Variants in RYR1 observed in about 807,000 individuals in gnomAD.
RYR1 encodes ryanodine receptor 1, also known as central core disease of muscle.
In RYR1, 342 loss-of-function variants were observed where a neutral mutation model predicts 583.5. The ratio of observed to expected loss-of-function variants is 0.59; its 90% CI spans 0.54 to 0.64. RYR1 has a LOEUF of 0.64. Among genes scored for constraint, RYR1 ranks in the 30% least tolerant of loss-of-function variants. RYR1 has a pLI of 0.00. For synonymous variants in RYR1, 2,791 were observed against 2,822.5 expected (o/e 0.99, Z 0.35); for missense variants, 6,032 against 6,917.2 (o/e 0.87, Z 4.54).
At chr19:38,439,231 G>A (rs955307752) in intron 1 of RYR1, among the ~76,000 whole-genome samples, 1 of 151,690 alleles carries the variant, frequency 6.6e-6, no homozygotes, top group Non-Finnish European at 1.5e-5. Flanking sequence ...TCCCCAGGCT[G>A]GAGTTTCACT....
Position 38,475,446 on chromosome 19 carries a change from C to T in RYR1, c.4289C>T (p.Thr1430Ile). 4 of 1,613,696 alleles carry T rather than the reference C, an allele frequency of 2.5e-6. No homozygotes were observed. The highest frequency in any genetic ancestry group is 1.1e-5 in the South Asian group (1 of 91,080). ...GACCCCGAGATCATCCTCAACACCA[C>T]CACGGTGTGGACCAGTAACCCTCAA... ...RDDPEIILNT[T>I]TYYYSVRVFA... Residue 1430 changes from threonine to isoleucine, a missense_variant, in exon 29 of 106, where the codon ACC becomes ATC. By Grantham distance (89) the Thr-to-Ile change is moderately conservative. Transcript: ENST00000359596.
rs186460831 is a variant in RYR1 at position 38,528,715 on chromosome 19, G to A, written c.11034+20G>A. 1 of 1,612,350 alleles carries A rather than the reference G, an allele frequency of 6.2e-7. No homozygotes were observed. Among genetic ancestry groups the A allele is most frequent in the African/African-American group, 1.3e-5 (1 of 74,892 alleles). On this transcript the variant is annotated intron_variant, in intron 75 of 105. Coordinates refer to ENST00000359596, the MANE Select transcript of RYR1 (RefSeq NM_000540.3). The stretch of plus-strand genomic sequence containing the variant: ...CTTTCAGTGAGCTGGGACCCGCCTG[G>A]GGGAGTGGGGGGCGAGCTGGATAGG...
intron 64 of RYR1, 39 bp from the exon 65 acceptor site, chr19:38,516,048 G>T: frequency 1.3e-6 from 2 of 1,539,610 alleles, no homozygotes; most frequent in South Asian, 2.4e-5. Flanking sequence ...ACCCCAAAGA[G>T]GGGGACACGT....
In RYR1 at chr19:38,494,663, C is replaced by T. The variant is rs781622170; in HGVS notation, c.6548+38C>T. 133 of 1,612,234 alleles carry T rather than the reference C, an allele frequency of 8.2e-5. 2 individuals are homozygous for T. In the South Asian group the frequency reaches 1.3e-3, roughly 16 times the overall value. On this transcript the variant is annotated intron_variant, in intron 39 of 105. Transcript: ENST00000359596. Reference sequence around the variant, plus strand: ...CCTTCCCCCTTACTTTGCATATCCCCTTGGGTAATGAATACCCTCAGGATA... The same window carrying T: ...CCTTCCCCCTTACTTTGCATATCCCTTTGGGTAATGAATACCCTCAGGATA...
In RYR1 at chr19:38,564,455, A is replaced by T. The variant is rs562678087; in HGVS notation, c.12625-504A>T. Among the ~76,000 whole-genome samples the T allele has an allele frequency of 1.6e-3, 242 of 152,046 alleles. 2 individuals carry two copies. Among genetic ancestry groups the T allele is most frequent in the African/African-American group, 5.6e-3 (233 of 41,456 alleles). On this transcript the variant is annotated intron_variant, in intron 90 of 105. Coordinates refer to ENST00000359596, the MANE Select transcript of RYR1 (RefSeq NM_000540.3). ...CATGGGGATCATGTGAACCCTGGGG[A>T]CGAAGGTTACAGTGAGACAGCGTCA...
chr19:38,586,195 A>G lies in RYR1; in HGVS notation c.14969+4A>G. On this transcript the variant is annotated splice_donor_region_variant and intron_variant, in intron 104 of 105. Transcript: ENST00000359596. ...AGCACAACCTGGCCAATTACATGTG[A>G]GCAGACACACTGGCCAGTCAGGAGG... 1 of 1,613,166 alleles carries G rather than the reference A, an allele frequency of 6.2e-7. No homozygotes were observed. The highest frequency in any genetic ancestry group is 8.5e-7 in the Non-Finnish European group (1 of 1,179,660).
At chr19:38,505,982 ATGGG>A in intron 54 of RYR1, 36 bp downstream of exon 54, 1 of 1,548,572 alleles carries the variant, frequency 6.5e-7, no homozygotes, top group South Asian at 1.1e-5. Flanking sequence ...CAGGGGCACG[ATGGG>A]GGGAGGGTCT....
intron 90 of RYR1, among the ~76,000 whole-genome samples, chr19:38,562,676 A>G (rs1973202787): frequency 6.6e-6 from 1 of 151,744 alleles, no homozygotes; most frequent in Non-Finnish European, 1.5e-5. Context: ...TGCCTGCCTC[A>G]CGCACACTGC....
At chr19:38,585,616 G>A (rs962546900) in intron 102 of RYR1, among the ~76,000 whole-genome samples, 5 of 151,540 alleles carry the variant, frequency 3.3e-5, no homozygotes, top group Non-Finnish European at 7.4e-5. Context: ...TGGGACTACA[G>A]GCACATGCTA....
intron 11 of RYR1, among the ~76,000 whole-genome samples, chr19:38,450,763 A>G (rs937422140): frequency 5.3e-4 from 1 of 1,882 alleles, no homozygotes; most frequent in Non-Finnish European, 8.8e-4. Flanking sequence ...TTTTCTGTAC[A>G]ACGTGGAAAC....
At chr19:38,555,134 G>A (rs899308095) in intron 89 of RYR1, among the ~76,000 whole-genome samples, 14 of 151,836 alleles carry the variant, frequency 9.2e-5, no homozygotes, top group African/African-American at 3.4e-4. Context: ...TCTGAACACT[G>A]CATATAAATG....
rs201333985 is a variant in RYR1 at position 38,579,939 on chromosome 19, T to C, written c.14365-43T>C. ...CCTACCCTCCAGAGTGCTCCTCGTG[T>C]GTCCCTGCCTTCCCCCTGACCCCTG... On this transcript the variant is annotated intron_variant, in intron 99 of 105. Coordinates refer to ENST00000359596, the MANE Select transcript of RYR1 (RefSeq NM_000540.3). 31 of 1,613,716 alleles carry C rather than the reference T, an allele frequency of 1.9e-5. No homozygotes were observed. In the East Asian group the frequency reaches 6.9e-4, roughly 36 times the overall value.
Position 38,527,691 on chromosome 19 carries a change from G to C in RYR1, c.10731G>C (p.Arg3577=), listed in dbSNP as rs2145719961. 1.2e-6 allele frequency: 2 copies of C among 1,614,122 alleles called. No individual in the cohort carries two copies. The highest frequency in any genetic ancestry group is 1.7e-6 in the Non-Finnish European group (2 of 1,180,018). ...PSLRWQMALY[R]GVPGREEDAD... The stretch of plus-strand genomic sequence containing the variant: ...TGCGCTGGCAGATGGCTCTGTACCG[G>C]GGCGTCCCGGGTCGCGAGGAGGACG... Residue 3577 remains arginine, a synonymous_variant, in exon 73 of 106, where the codon CGG becomes CGC. Coordinates refer to ENST00000359596, the MANE Select transcript of RYR1 (RefSeq NM_000540.3).
At chr19:38,523,436 C>A in intron 69 of RYR1, 127 bp downstream of exon 69, 1 of 993,198 alleles carries the variant, frequency 1.0e-6, no homozygotes, top group South Asian at 1.3e-5. Context: ...CTCAGAGCAG[C>A]CCCTCTTACC....
Position 38,500,796 on chromosome 19 carries a change from C to T in RYR1, c.7445-25C>T. 1 of 1,613,790 alleles carries T rather than the reference C, an allele frequency of 6.2e-7. No homozygotes were observed. Among genetic ancestry groups the T allele is most frequent in the Non-Finnish European group, 8.5e-7 (1 of 1,179,840 alleles). ...GAGCGGCTGGGTCCGCAGGGCATCC[C>T]CGAACCCACCCTCCCTGCCTGCAGA... On this transcript the variant is annotated intron_variant, in intron 46 of 105. Coordinates refer to ENST00000359596, the MANE Select transcript of RYR1 (RefSeq NM_000540.3). This position sits in a 1 kb window ranked among gnomAD's most constrained non-coding sequence, Gnocchi z 5.9.
At position 38,492,609 on chromosome 19, in the gene RYR1, G is replaced by C. The variant is rs1472353338; in HGVS notation, c.6247G>C (p.Glu2083Gln). The change falls in exon 38 of 106, where the codon GAG (glutamate) becomes CAG (glutamine). Residue 2083 changes from glutamate to glutamine, a missense_variant. Physicochemically the swap from Glu to Gln is conservative, Grantham distance 29 (BLOSUM62 2). Coordinates refer to ENST00000359596, the MANE Select transcript of RYR1 (RefSeq NM_000540.3). Reference sequence around the variant, plus strand: ...GAAGAAGGAAGAGAAACCTGAGGAGGAGCGGTCAGCAGAGGAGAGCAAACC... The same window carrying C: ...GAAGAAGGAAGAGAAACCTGAGGAGCAGCGGTCAGCAGAGGAGAGCAAACC... ...VKKKEEKPEE[E>Q]RSAEESKPRS... is the part of the protein sequence containing the mutation. The C allele has an allele frequency of 1.2e-6, 2 of 1,610,814 alleles. No homozygotes were observed. The highest frequency in any genetic ancestry group is 1.1e-5 in the South Asian group (1 of 90,990).
At chr19:38,433,979 C>T in intron 1 of RYR1, 105 bp downstream of exon 1, 1 of 943,932 alleles carries the variant, frequency 1.1e-6, no homozygotes, top group South Asian at 1.3e-5. Flanking sequence ...GTCTCTGAGA[C>T]TCGAGGTCTC....
Position 38,587,545 on chromosome 19 carries a change from C to G in RYR1, c.*125C>G. The G allele has an allele frequency of 2.5e-6, 2 of 791,134 alleles. No individual in the cohort carries two copies. The highest frequency in any genetic ancestry group is 2.9e-5 in the South Asian group (2 of 68,208). The allele number at this position is 791,134 out of a possible 1,614,324, so 49.0% of individuals were successfully genotyped here. On this transcript the variant is annotated 3_prime_UTR_variant, in exon 106 of 106. Transcript: ENST00000359596. ...GGTGACCTAGTACTGGAAAATAAATCTGTGCTACGCCCCCCAGCATCACTG... is the reference window on the plus strand; with the variant it reads ...GGTGACCTAGTACTGGAAAATAAATGTGTGCTACGCCCCCCAGCATCACTG...
At chr19:38,564,554 G>T (rs1973298802) in intron 90 of RYR1, among the ~76,000 whole-genome samples, 1 of 146,968 alleles carries the variant, frequency 6.8e-6, no homozygotes, top group African/African-American at 2.5e-5. Context: ...CTTTCACTCT[G>T]TTGCCCAGGC....
Sources: gnomAD v4.1 joint callset for allele counts (sites outside exome capture counted in the v4.1 genomes callset) on GRCh38, gnomAD v4.1.1 for gene constraint, Gnocchi (gnomAD v3.1) non-coding constraint, MANE v1.5 for transcripts, NCBI Gene and HGNC (gene_info 2026-07-23, HGNC 2026-07-21) for gene names.